ADAMTS10: variants seen among roughly 807,000 people sequenced by gnomAD.
ADAMTS10 encodes A disintegrin and metalloproteinase with thrombospondin motifs 10.
Under a neutral mutation model 135.9 loss-of-function variants are expected in ADAMTS10, and 48 were observed. The ratio of observed to expected loss-of-function variants is 0.35; its 90% CI spans 0.28 to 0.45. The LOEUF is 0.45. ADAMTS10 is among the 20% of genes least tolerant of loss of function. The pLI, the probability that ADAMTS10 is intolerant of heterozygous loss-of-function variation, is 1.00. For synonymous variants in ADAMTS10, 621 were observed against 647.5 expected, an observed-to-expected ratio of 0.96 and a Z score of 0.62; for missense variants, 1,131 against 1,565.2, an observed-to-expected ratio of 0.72 and a Z score of 4.68.
At position 8,605,519 on chromosome 19, in the gene ADAMTS10, C is replaced by A; in HGVS notation, c.88+104G>T. 1.4e-6 allele frequency: 2 copies of A among 1,474,220 alleles called. No individual in the cohort carries two copies. The highest frequency in any genetic ancestry group is 9.2e-7 in the Non-Finnish European group (1 of 1,083,958). The allele number at this position is 1,474,220 out of a possible 1,614,324, so 91.3% of individuals were successfully genotyped here. A position where few individuals can be genotyped will look rare whatever the true frequency, so the allele number is the denominator to read the frequency against. On this transcript the variant is annotated intron_variant, in intron 3 of 25. Coordinates refer to ENST00000597188, the MANE Select transcript of ADAMTS10 (RefSeq NM_030957.4). The surrounding 1 kb of genome is among the most constrained non-coding windows in gnomAD (Gnocchi z 7.7). ...GCCTATTGACCCCAGGGCCTTCCCC[C>A]ATTGACCCCCATCCCAGCCCCCTGA...
intron 2 of ADAMTS10, among the ~76,000 whole-genome samples, chr19:8,607,425 C>A (rs1409050540): frequency 6.6e-6 from 1 of 152,166 alleles, no homozygotes; most frequent in Non-Finnish European, 1.5e-5. Context: ...CCCCGCAGGT[C>A]TCAGTCTCTC....
chr19:8,609,694 C>A (rs2042760271), intron 1 of ADAMTS10, among the ~76,000 whole-genome samples: 1 of 152,150 alleles, frequency 6.6e-6, no homozygotes, highest in African/African-American at 2.4e-5. Context: ...AGCCCGACCG[C>A]TGGAGACACC....
intron 5 of ADAMTS10, among the ~76,000 whole-genome samples, chr19:8,603,348 C>A (rs568106857): frequency 1.3e-5 from 2 of 152,272 alleles, no homozygotes; most frequent in Non-Finnish European, 2.9e-5. Context: ...GATCTCTGCT[C>A]ACTGCAACCT....
At chr19:8,590,079 G>C in intron 15 of ADAMTS10, 88 bp from the exon 16 acceptor site, 2 of 966,848 alleles carry the variant, frequency 2.1e-6, no homozygotes, top group South Asian at 2.6e-5. Flanking sequence ...TGGGCTGGAG[G>C]AGGGAGGCTA....
At chr19:8,584,788 T>C in intron 25 of ADAMTS10, 107 bp downstream of exon 25, 1 of 1,452,852 alleles carries the variant, frequency 6.9e-7, no homozygotes, top group Non-Finnish European at 9.4e-7. Flanking sequence ...CAGCAATGCA[T>C]TTCCGAGGTT....
rs372634069 is a variant in ADAMTS10, at chr19:8,596,250, G to A, written c.1191-31C>T. ...GAAAGGGGTGTCGGCTCTGCCGGGC[G>A]CTGAGGGACCCGCCCAGCTCCTCCC... On this transcript the variant is annotated intron_variant, in intron 10 of 25. Transcript: ENST00000597188. This position sits in a 1 kb window ranked among gnomAD's most constrained non-coding sequence, Gnocchi z 7.2. 1.2e-4 allele frequency: 198 copies of A among 1,612,860 alleles called. No individual in the cohort carries two copies. Among genetic ancestry groups the A allele is most frequent in the Non-Finnish European group, 1.3e-4 (157 of 1,180,030 alleles).
intron 15 of ADAMTS10, among the ~76,000 whole-genome samples, chr19:8,590,222 C>A (rs1340848989): frequency 8.5e-5 from 13 of 152,050 alleles, no homozygotes; most frequent in African/African-American, 3.1e-4. Flanking sequence ...GTGAGCTGGG[C>A]AGGACACACC....
At position 8,596,428 on chromosome 19, in the gene ADAMTS10, T is replaced by C; in HGVS notation, c.1085-16A>G. 2 of 1,613,808 alleles carry C rather than the reference T, an allele frequency of 1.2e-6. No homozygotes were observed. Among genetic ancestry groups the C allele is most frequent in the Admixed American group, 1.7e-5 (1 of 59,958 alleles). ...GGGGCCAGGCCTGGGAAGACGGACATGTGGGGATGGGGCTGGGAGGCTCAG... is the reference window on the plus strand; with the variant it reads ...GGGGCCAGGCCTGGGAAGACGGACACGTGGGGATGGGGCTGGGAGGCTCAG... On this transcript the variant is annotated splice_polypyrimidine_tract_variant and intron_variant, in intron 9 of 25. Transcript: ENST00000597188. This position sits in a 1 kb window ranked among gnomAD's most constrained non-coding sequence, Gnocchi z 7.2.
rs781798623 is a variant in ADAMTS10 at position 8,605,746 on chromosome 19, G to T, written c.-36C>A. Reference sequence around the variant, plus strand: ...TGTCCACATGTCTCTCCCCAGCCCCGGCTGCCGGCAGCCCCCACAGTGCCG... The same window carrying T: ...TGTCCACATGTCTCTCCCCAGCCCCTGCTGCCGGCAGCCCCCACAGTGCCG... On this transcript the variant is annotated 5_prime_UTR_variant, in exon 3 of 26. Transcript: ENST00000597188. The surrounding 1 kb of genome is among the most constrained non-coding windows in gnomAD (Gnocchi z 7.7). 10 of 1,573,936 alleles carry T rather than the reference G, an allele frequency of 6.4e-6. No individual in the cohort carries two copies. Among genetic ancestry groups the T allele is most frequent in the Non-Finnish European group, 6.0e-6 (7 of 1,163,230 alleles).
chr19:8,592,735 C>T (rs2042556234), intron 13 of ADAMTS10, 28 bp downstream of exon 13: 3 of 1,596,352 alleles, frequency 1.9e-6, no homozygotes, highest in African/African-American at 1.3e-5. Context: ...GGGGCGTGGC[C>T]CAGTTGGGGG....
At chr19:8,594,052 T>C (rs2042575586) in intron 12 of ADAMTS10, among the ~76,000 whole-genome samples, 1 of 152,198 alleles carries the variant, frequency 6.6e-6, no homozygotes, top group South Asian at 2.1e-4. Context: ...AGCTAAAAAC[T>C]CAGACTGTGT....
intron 25 of ADAMTS10, among the ~76,000 whole-genome samples, chr19:8,583,402 ATGG>A (rs2042379893): frequency 6.6e-6 from 1 of 151,734 alleles, no homozygotes; most frequent in Admixed American, 6.6e-5. Context: ...TTAGCTGGTC[ATGG>A]TGGCACGTGC....
chr19:8,596,562 T>C lies in ADAMTS10; in HGVS notation c.1064A>G (p.Asn355Ser). Residue 355 changes from asparagine to serine, a missense_variant, in exon 9 of 26, where the codon AAC (asparagine) becomes AGC (serine). By Grantham distance (46) the Asn-to-Ser change is conservative. Around this residue, in one of 3 missense-constraint regions of ADAMTS10, gnomAD observed 80 missense variants for 164.4 expected, o/e 0.49. Transcript: ENST00000597188. The surrounding 1 kb of genome is among the most constrained non-coding windows in gnomAD (Gnocchi z 7.2). ...ITRYDICIYK[N>S]KPCGTLGLAP... The stretch of plus-strand genomic sequence containing the variant: ...GGTACCTAGTGTGCCGCAGGGTTTG[T>C]TCTTGTAGATGCAGATGTCATAGCT... 3 of 1,613,492 alleles carry C rather than the reference T, an allele frequency of 1.9e-6. No homozygotes were observed. The East Asian group carries it at 6.7e-5, about 36-fold the overall frequency.
intron 13 of ADAMTS10, 104 bp from the exon 14 acceptor site, chr19:8,592,207 C>T (rs2042542763): frequency 8.6e-7 from 1 of 1,168,632 alleles, no homozygotes; most frequent in Non-Finnish European, 1.1e-6. Context: ...ATCAGCCTCT[C>T]CGGGATGGGC....
intron 13 of ADAMTS10, chr19:8,592,364 G>A: frequency 1.5e-6 from 1 of 679,504 alleles, no homozygotes; most frequent in Non-Finnish European, 2.4e-6. Context: ...GCGTGGAGAC[G>A]AGGTGGGGCG....
At chr19:8,598,660 C>T (rs1271305465) in intron 6 of ADAMTS10, among the ~76,000 whole-genome samples, 1 of 150,270 alleles carries the variant, frequency 6.7e-6, no homozygotes, top group East Asian at 1.9e-4. Flanking sequence ...CACTCACCTC[C>T]ACCTCCCGGG....
chr19:8,605,128 A>G lies in ADAMTS10; in HGVS notation c.319T>C (p.Trp107Arg). The G allele has an allele frequency of 6.2e-7, 1 of 1,613,714 alleles. No homozygotes were observed. The change falls in exon 4 of 26, where the codon TGG (tryptophan) becomes CGG (arginine). Residue 107 changes from tryptophan to arginine, a missense_variant. By Grantham distance (101) the Trp-to-Arg change is moderately radical (BLOSUM62 -3). This residue lies in a region of ADAMTS10 where 306 missense variants were observed against 344.4 expected (regional missense o/e 0.89). Coordinates refer to ENST00000597188, the MANE Select transcript of ADAMTS10 (RefSeq NM_030957.4). This position sits in a 1 kb window ranked among gnomAD's most constrained non-coding sequence, Gnocchi z 7.7. ...LLAGHVSVEY[W>R]TREGLAWQRA... ...TGCCAGGCCAGGCCCTCCCGTGTCCAGTACTCCACGGAGACGTGCCCTGCC... is the reference window on the plus strand; with the variant it reads ...TGCCAGGCCAGGCCCTCCCGTGTCCGGTACTCCACGGAGACGTGCCCTGCC...
Position 8,605,614 on chromosome 19 carries a change from T to A in ADAMTS10, c.88+9A>T, listed in dbSNP as rs2042713376. The A allele has an allele frequency of 1.9e-6, 3 of 1,598,524 alleles. No homozygotes were observed. The highest frequency in any genetic ancestry group is 2.6e-6 in the Non-Finnish European group (3 of 1,171,274). ...TCCCTCCCCACCGCCACCACCAGACTTCCCCTACCTTGAGACCGGAAGGCG... is the reference window on the plus strand; with the variant it reads ...TCCCTCCCCACCGCCACCACCAGACATCCCCTACCTTGAGACCGGAAGGCG... On this transcript the variant is annotated intron_variant, in intron 3 of 25. Coordinates refer to ENST00000597188, the MANE Select transcript of ADAMTS10 (RefSeq NM_030957.4). This position sits in a 1 kb window ranked among gnomAD's most constrained non-coding sequence, Gnocchi z 7.7.
At chr19:8,595,687 C>T (rs1383967557) in intron 12 of ADAMTS10, 75 bp downstream of exon 12, 2 of 1,383,204 alleles carry the variant, frequency 1.4e-6, no homozygotes, top group Non-Finnish European at 2.0e-6. Flanking sequence ...AGGTGGGTGC[C>T]CTGGTGGAGT....
Sources: gnomAD v4.1 joint callset for allele counts (sites outside exome capture counted in the v4.1 genomes callset) on GRCh38, gnomAD v4.1.1 for gene constraint, gnomAD v4.1.1 regional missense constraint, Gnocchi (gnomAD v3.1) non-coding constraint, MANE v1.5 for transcripts, NCBI Gene and HGNC (gene_info 2026-07-23, HGNC 2026-07-21) for gene names.